The following C8orf89 variants were observed in gnomAD, a reference collection of about 807,000 sequenced individuals.
C8orf89 encodes the protein chromosome 8 open reading frame 89.
Under a neutral mutation model 15.8 loss-of-function variants are expected in C8orf89, and 14 were observed. That is an observed-to-expected ratio of 0.89 (90% CI 0.59 to 1.39). The LOEUF (loss-of-function observed/expected upper bound fraction) is 1.39, where lower values mean the gene tolerates loss of function less well. Ranked by LOEUF, C8orf89 falls within the 40% of genes most tolerant of loss-of-function variation. The probability of loss-of-function intolerance (pLI) is 0.00; values close to 1 mark genes in which losing one functional copy is unlikely to be tolerated. For missense variants in C8orf89, 181 were observed against 184.5 expected, an observed-to-expected ratio of 0.98 and a Z score of 0.11; for synonymous variants, 55 against 62.2, an observed-to-expected ratio of 0.88 and a Z score of 0.54.
At chr8:73,274,857 CTGAGAT>C in the C8orf89 span, among the ~76,000 whole-genome samples, 2 of 152,118 alleles carry the variant, frequency 1.3e-5, no homozygotes, top group African/African-American at 4.8e-5. Flanking sequence ...TCACATGAGA[CTGAGAT>C]TGAGTGTACA....
chr8:73,278,611 T>C, the C8orf89 span, among the ~76,000 whole-genome samples: 1 of 152,234 alleles, frequency 6.6e-6, no homozygotes, highest in African/African-American at 2.4e-5. Context: ...GATTATAAAT[T>C]ATTTTTCCAA....
intron 1 of C8orf89, among the ~76,000 whole-genome samples, chr8:73,258,409 CAAAAAAAAA>C (rs34265425): frequency 1.4e-5 from 1 of 69,158 alleles, no homozygotes; most frequent in Non-Finnish European, 2.7e-5. Context: ...GACTCCATCT[CAAAAAAAAA>C]AAAAAAAAAA....
chr8:73,279,787 C>T, the C8orf89 span, among the ~76,000 whole-genome samples: 1 of 152,208 alleles, frequency 6.6e-6, no homozygotes, highest in Non-Finnish European at 1.5e-5. Context: ...TCTCAGGACA[C>T]TCACCTTTGA....
At chr8:73,261,882 G>T (rs985420607), upstream of C8orf89, among the ~76,000 whole-genome samples, 2 of 152,144 alleles carry the variant, frequency 1.3e-5, no homozygotes, top group African/African-American at 4.8e-5. Context: ...CTTCCCTGCA[G>T]CAAGGCTCCA....
chr8:73,272,331 G>A, the C8orf89 span, among the ~76,000 whole-genome samples: 2 of 151,662 alleles, frequency 1.3e-5, no homozygotes, highest in Non-Finnish European at 2.9e-5. Context: ...ACCTAATCAG[G>A]GCTTAATATA....
intron 3 of C8orf89, among the ~76,000 whole-genome samples, chr8:73,242,073 G>C (rs1356071838): frequency 1.3e-5 from 2 of 152,178 alleles, no homozygotes; most frequent in Non-Finnish European, 2.9e-5. Context: ...TCCAGGACAT[G>C]GGAGTGGTCA....
chr8:73,282,624 G>A, the C8orf89 span, among the ~76,000 whole-genome samples: 2 of 152,194 alleles, frequency 1.3e-5, no homozygotes, highest in Admixed American at 6.5e-5. Context: ...ATTTTCTTGA[G>A]TAATGTGGAA....
At chr8:73,262,050 A>G (rs113341237), upstream of C8orf89, among the ~76,000 whole-genome samples, 1,558 of 152,352 alleles carry the variant, frequency 0.01, 22 homozygotes, top group South Asian at 0.052. Flanking sequence ...TGAGAAAACA[A>G]ATAAGACAAT....
At chr8:73,275,188 T>A in the C8orf89 span, among the ~76,000 whole-genome samples, 1 of 151,052 alleles carries the variant, frequency 6.6e-6, no homozygotes, top group East Asian at 1.9e-4. Flanking sequence ...TGTATTCCCA[T>A]AATTTTTGTT....
rs768450885 is a variant in C8orf89 at position 73,250,231 on chromosome 8, C to G, written c.337+37G>C. On this transcript the variant is annotated intron_variant, in intron 3 of 3. Coordinates refer to ENST00000624510, the MANE Select transcript of C8orf89 (RefSeq NM_001243237.3). The stretch of plus-strand genomic sequence containing the variant: ...AAAAAAAGATAAGGTATATGACACC[C>G]AAGAGAGGTAGTAGAAAAAAGGACG... 4 of 1,426,272 alleles carry G rather than the reference C, an allele frequency of 2.8e-6. No individual in the cohort carries two copies. The South Asian group carries it at 3.8e-5, about 13-fold the overall frequency. 88.4% of individuals were successfully genotyped at this position (1,426,272 alleles called of 1,614,324 possible). A position where few individuals can be genotyped will look rare whatever the true frequency, so the allele number is the denominator to read the frequency against.
upstream of C8orf89, among the ~76,000 whole-genome samples, chr8:73,263,937 A>G (rs1813574483): frequency 1.3e-5 from 2 of 152,340 alleles, no homozygotes; most frequent in East Asian, 3.9e-4. Flanking sequence ...CAACATTTTC[A>G]TCAACCAGTC....
the C8orf89 span, among the ~76,000 whole-genome samples, chr8:73,285,870 C>G: frequency 7.9e-5 from 12 of 152,188 alleles, no homozygotes; most frequent in African/African-American, 2.4e-4. Flanking sequence ...GAGCATGCCC[C>G]GCAGCCAGCA....
the C8orf89 span, among the ~76,000 whole-genome samples, chr8:73,276,956 G>A: frequency 2.6e-5 from 4 of 151,646 alleles, no homozygotes; most frequent in Non-Finnish European, 5.9e-5. Flanking sequence ...ACAGGTGCAC[G>A]CCACCATGCC....
the C8orf89 span, among the ~76,000 whole-genome samples, chr8:73,277,108 G>A: frequency 7.9e-5 from 12 of 152,008 alleles, no homozygotes; most frequent in East Asian, 9.6e-4. Context: ...CGCCCATCCC[G>A]GCAGTCAATT....
chr8:73,250,617 G>A (rs1450418913), intron 2 of C8orf89, among the ~76,000 whole-genome samples: 1 of 152,084 alleles, frequency 6.6e-6, no homozygotes, highest in African/African-American at 2.4e-5. Context: ...AGGCCATTTG[G>A]ATACGTTGAA....
At chr8:73,282,112 C>A in the C8orf89 span, among the ~76,000 whole-genome samples, 3 of 152,200 alleles carry the variant, frequency 2.0e-5, no homozygotes, top group African/African-American at 7.2e-5. Flanking sequence ...ATACATGTGA[C>A]TTTTTATTCT....
the C8orf89 span, among the ~76,000 whole-genome samples, chr8:73,265,426 C>A: frequency 6.6e-6 from 1 of 152,142 alleles, no homozygotes; most frequent in East Asian, 1.9e-4. Flanking sequence ...AAAAGCAAAT[C>A]TCTGGTTTAA....
the C8orf89 span, among the ~76,000 whole-genome samples, chr8:73,285,902 C>CCCGGCCGGCGTCT: frequency 1.9e-3 from 282 of 152,186 alleles, 1 homozygote; most frequent in Non-Finnish European, 2.8e-3. Flanking sequence ...CTGGGCCCGG[C>CCCGGCCGGCGTCT]CCGGCCGGCG....
upstream of C8orf89, among the ~76,000 whole-genome samples, chr8:73,261,313 T>G (rs543778110): frequency 2.8e-4 from 42 of 152,218 alleles, 1 homozygote; most frequent in Admixed American, 2.5e-3. Context: ...GGTTCCAGAA[T>G]GTAGTTTAAC....
Sources: allele counts gnomAD v4.1 joint callset (sites outside exome capture counted in the v4.1 genomes callset), GRCh38; gene constraint gnomAD v4.1.1; transcripts MANE v1.5; gene names NCBI Gene and HGNC (gene_info 2026-07-23, HGNC 2026-07-21).